TYMS: variants seen among roughly 807,000 people sequenced by gnomAD.
TYMS encodes thymidylate synthetase.
TYMS carries 21 observed loss-of-function variants against 39.3 expected under a neutral mutation model. The observed-to-expected ratio is 0.54, with a 90% confidence interval of 0.38 to 0.77. The LOEUF (loss-of-function observed/expected upper bound fraction) is 0.77, where lower values mean the gene tolerates loss of function less well. Ranked by LOEUF, TYMS falls within the 30% of genes least tolerant of loss-of-function variation. The pLI, the probability that TYMS is intolerant of heterozygous loss-of-function variation, is 0.00. For missense variants in TYMS, 273 were observed against 406.7 expected (o/e 0.67, Z 2.83); for synonymous variants, 171 against 162.2 (o/e 1.05, Z -0.41).
intron 5 of TYMS, 57 bp from the exon 6 acceptor site, chr18:671,320 AATG>A: frequency 9.0e-7 from 1 of 1,105,058 alleles, no homozygotes; most frequent in Non-Finnish European, 1.4e-6. Flanking sequence ...AATGTTTTTA[AATG>A]ATGTTTTAAA....
Position 673,309 on chromosome 18 carries a change from AAAG to A in TYMS, c.*316_*318del, listed in dbSNP as rs544425752. 44 of 246,436 alleles carry A rather than the reference AAAG, an allele frequency of 1.8e-4. No individual in the cohort carries two copies. In the South Asian group the frequency reaches 3.4e-3, roughly 19 times the overall value. The allele number at this position is 246,436 out of a possible 1,614,324, so 15.3% of individuals were successfully genotyped here. On this transcript the variant is annotated 3_prime_UTR_variant, in exon 7 of 7. Transcript: ENST00000323274. ...GTGCATTTCAATCCCACGTACTTAT[AAAG>A]AAGGTTGGTGAATTTCACAAGCTAT...
At chr18:661,350 C>T (rs1430893453) in intron 2 of TYMS, among the ~76,000 whole-genome samples, 1 of 152,202 alleles carries the variant, frequency 6.6e-6, no homozygotes, top group Non-Finnish European at 1.5e-5. Context: ...GTTGGAGTTA[C>T]TCCATTGGTG....
intron 2 of TYMS, among the ~76,000 whole-genome samples, chr18:661,365 G>A (rs890231902): frequency 3.3e-5 from 5 of 152,282 alleles, no homozygotes; most frequent in African/African-American, 9.6e-5. Context: ...TTGGTGACTC[G>A]ATCAAATACA....
Position 659,696 on chromosome 18 carries a change from G to T in TYMS, c.261G>T (p.Glu87Asp), listed in dbSNP as rs1459906556. Reference sequence around the variant, plus strand: ...TGTTCTGGAAGGGTGTTTTGGAGGAGTTGCTGTGGTTTATCAAGGTAAAGA... The same window carrying T: ...TGTTCTGGAAGGGTGTTTTGGAGGATTTGCTGTGGTTTATCAAGGTAAAGA... The part of the protein sequence containing the change: ...KRVFWKGVLE[E>D]LLWFIKGSTN... Residue 87 changes from glutamate (E) to aspartate (D), a missense_variant, in exon 2 of 7, where the codon GAG becomes GAT. Physicochemically the swap from Glu to Asp is conservative, Grantham distance 45. Transcript: ENST00000323274. The T allele has an allele frequency of 1.2e-6, 2 of 1,614,024 alleles. No individual in the cohort carries two copies. The highest frequency in any genetic ancestry group is 1.7e-6 in the Non-Finnish European group (2 of 1,179,960).
rs1260730327 is a variant in TYMS at position 666,962 on chromosome 18, GAGA to G, written c.455-2109_455-2107del. On this transcript the variant is annotated intron_variant, in intron 3 of 6. Coordinates refer to ENST00000323274, the MANE Select transcript of TYMS (RefSeq NM_001071.4). ...GGAGATGGTGATGGTGATGGAGATGGAGATGGTGATGGAGATGGAGATGGTGAT... is the reference window on the plus strand; with the variant it reads ...GGAGATGGTGATGGTGATGGAGATGGTGGTGATGGAGATGGAGATGGTGAT... 4.2e-3 allele frequency among the ~76,000 whole-genome samples: 90 copies of G among 21,570 alleles called. 5 individuals carry two copies. Among genetic ancestry groups the G allele is most frequent in the South Asian group, 0.015 (7 of 460 alleles). 14.2% of individuals were successfully genotyped at this position (21,570 alleles called of 152,430 possible). A position where few individuals can be genotyped will look rare whatever the true frequency, so the allele number is the denominator to read the frequency against.
chr18:659,143 T>G (rs1407667321), intron 1 of TYMS, among the ~76,000 whole-genome samples: 1 of 152,210 alleles, frequency 6.6e-6, no homozygotes. Flanking sequence ...AAGCAGGTGC[T>G]TGCAAAAATC....
rs748318354 is a variant in TYMS, at chr18:673,147, C to G, written c.*150C>G. On this transcript the variant is annotated 3_prime_UTR_variant, in exon 7 of 7. Coordinates refer to ENST00000323274, the MANE Select transcript of TYMS (RefSeq NM_001071.4). ...AGTTATTAATTTTTAAGGATGTTGC[C>G]ACTGGCAAATGTAACTGTGCCAGTT... 1 of 834,246 alleles carries G rather than the reference C, an allele frequency of 1.2e-6. No homozygotes were observed. Among genetic ancestry groups the G allele is most frequent in the Middle Eastern group, 2.7e-4 (1 of 3,666 alleles). 51.7% of individuals were successfully genotyped at this position (834,246 alleles called of 1,614,324 possible).
intron 4 of TYMS, among the ~76,000 whole-genome samples, chr18:669,869 A>G (rs1342764292): frequency 6.6e-6 from 1 of 151,824 alleles, no homozygotes; most frequent in East Asian, 2.0e-4. Flanking sequence ...GGCCAAGGCG[A>G]GAGGATCATT....
intron 5 of TYMS, chr18:671,127 T>C (rs1276647219): frequency 1.6e-6 from 1 of 615,272 alleles, no homozygotes; most frequent in African/African-American, 1.9e-5. Flanking sequence ...TATGCTGAGG[T>C]TGGGTATGGT....
chr18:670,580 T>G (rs1177996677), intron 4 of TYMS, 112 bp from the exon 5 acceptor site: 4 of 1,187,284 alleles, frequency 3.4e-6, no homozygotes, highest in Non-Finnish European at 4.8e-6. Flanking sequence ...TGGCTCTCTC[T>G]CCTGGTCTCC....
chr18:673,152 G>A lies in TYMS; in HGVS notation c.*155G>A, dbSNP rs2075144420. On this transcript the variant is annotated 3_prime_UTR_variant, in exon 7 of 7. Coordinates refer to ENST00000323274, the MANE Select transcript of TYMS (RefSeq NM_001071.4). The stretch of plus-strand genomic sequence containing the variant: ...TTAATTTTTAAGGATGTTGCCACTG[G>A]CAAATGTAACTGTGCCAGTTCTTTC... 5.1e-6 allele frequency: 4 copies of A among 779,576 alleles called. No individual in the cohort carries two copies. The East Asian group carries it at 1.1e-4, about 21-fold the overall frequency. 48.3% of individuals were successfully genotyped at this position (779,576 alleles called of 1,614,324 possible).
At chr18:665,449 T>G in intron 3 of TYMS, among the ~76,000 whole-genome samples, 1 of 150,454 alleles carries the variant, frequency 6.6e-6, no homozygotes, top group East Asian at 2.0e-4. Flanking sequence ...ATTTTGTTGA[T>G]CCTTTCAAAA....
chr18:670,045 ATTTTTTT>A (rs34118802), intron 4 of TYMS, among the ~76,000 whole-genome samples: 13 of 138,534 alleles, frequency 9.4e-5, no homozygotes, highest in South Asian at 6.9e-4. Context: ...ATAGAGACTT[ATTTTTTT>A]TTTTTTTTTG....
chr18:668,666 A>G (rs2074908588), intron 3 of TYMS, among the ~76,000 whole-genome samples: 1 of 152,234 alleles, frequency 6.6e-6, no homozygotes, highest in Non-Finnish European at 1.5e-5. Flanking sequence ...CTGTGAGACA[A>G]GGATAAAGTA....
At chr18:659,599 C>T (rs1352310818) in intron 1 of TYMS, 42 bp from the exon 2 acceptor site, 3 of 1,551,752 alleles carry the variant, frequency 1.9e-6, no homozygotes. Flanking sequence ...ATGGCATGAT[C>T]TGTCTTCCCA....
Position 658,088 on chromosome 18 carries a change from TCGCCTTAC to T in TYMS, c.205+142_205+149del. ...CGAGGGAGGGGACGCATCGTCCTCC[TCGCCTTAC>T]AGACGCCGAAACGGAGGGTCCCATT... On this transcript the variant is annotated intron_variant, in intron 1 of 6. Coordinates refer to ENST00000323274, the MANE Select transcript of TYMS (RefSeq NM_001071.4). The surrounding 1 kb of genome is among the most constrained non-coding windows in gnomAD (Gnocchi z 4.5). The T allele has an allele frequency of 6.3e-7, 1 of 1,580,914 alleles. No individual in the cohort carries two copies. Among genetic ancestry groups the T allele is most frequent in the East Asian group, 2.3e-5 (1 of 43,080 alleles).
At chr18:666,868 T>G (rs1370864666) in intron 3 of TYMS, among the ~76,000 whole-genome samples, 3 of 150,128 alleles carry the variant, frequency 2.0e-5, no homozygotes, top group African/African-American at 7.5e-5. Context: ...GAGGTTTTGT[T>G]AGGGATGACG....
At chr18:664,117 A>G (rs1269142914) in intron 3 of TYMS, among the ~76,000 whole-genome samples, 6 of 150,642 alleles carry the variant, frequency 4.0e-5, no homozygotes, top group African/African-American at 1.5e-4. Context: ...CAGTATGGCC[A>G]TTTTCACGAT....
chr18:664,327 T>C (rs1238631679), intron 3 of TYMS, among the ~76,000 whole-genome samples: 1 of 150,308 alleles, frequency 6.7e-6, no homozygotes, highest in East Asian at 2.0e-4. Context: ...TTGTCTGTTA[T>C]TGGTGTATAA....
Sources: gnomAD v4.1 joint callset for allele counts (sites outside exome capture counted in the v4.1 genomes callset) on GRCh38, gnomAD v4.1.1 for gene constraint, Gnocchi (gnomAD v3.1) non-coding constraint, MANE v1.5 for transcripts, NCBI Gene and HGNC (gene_info 2026-07-23, HGNC 2026-07-21) for gene names.